The following ZFPM2 variants were observed in gnomAD, a reference collection of about 807,000 sequenced individuals.
ZFPM2 encodes zinc finger protein, FOG family member 2.
In ZFPM2, 20 loss-of-function variants were observed where a neutral mutation model predicts 98.6. That is an observed-to-expected ratio of 0.20 (90% confidence interval 0.14 to 0.29). The LOEUF is 0.29. ZFPM2 is among the 10% of genes least tolerant of loss of function. ZFPM2 has a pLI of 1.00. For missense variants in ZFPM2, 1,310 were observed against 1,388.6 expected (o/e 0.94, Z 0.90); for synonymous variants, 518 against 502.7 (o/e 1.03, Z -0.41).
chr8:105,576,345 A>T (rs1815468356), intron 4 of ZFPM2, among the ~76,000 whole-genome samples: 1 of 152,172 alleles, frequency 6.6e-6, no homozygotes. Flanking sequence ...ACAAAAAATT[A>T]AAAACAGTGG....
chr8:105,488,001 G>A (rs1186301546), intron 3 of ZFPM2, among the ~76,000 whole-genome samples: 3 of 151,274 alleles, frequency 2.0e-5, no homozygotes, highest in African/African-American at 7.3e-5. Context: ...GCAAAATTGA[G>A]AGCGAAGGTG....
intron 6 of ZFPM2, among the ~76,000 whole-genome samples, chr8:105,789,365 G>A (rs1447524522): frequency 2.0e-5 from 3 of 152,098 alleles, no homozygotes; most frequent in Non-Finnish European, 4.4e-5. Flanking sequence ...ATAGTTTACT[G>A]AGAATGATGA....
chr8:105,609,650 G>C (rs896507948), intron 4 of ZFPM2, among the ~76,000 whole-genome samples: 3 of 152,154 alleles, frequency 2.0e-5, no homozygotes, highest in Admixed American at 6.5e-5. Flanking sequence ...TAAAAAGAGA[G>C]TAGACAGTGC....
In ZFPM2 at chr8:105,802,896, C is replaced by A. The variant is rs982465677; in HGVS notation, c.2814C>A (p.Thr938=). 5 of 1,613,758 alleles carry A rather than the reference C, an allele frequency of 3.1e-6. No homozygotes were observed. The highest frequency in any genetic ancestry group is 4.2e-6 in the Non-Finnish European group (5 of 1,179,812). ...NGNLFSSHLA[T]LQGLKVFSEA... Reference sequence around the variant, plus strand: ...ACTTATTTTCATCCCACCTAGCAACCCTGCAAGGCTTGAAGGTCTTTAGTG... The same window carrying A: ...ACTTATTTTCATCCCACCTAGCAACACTGCAAGGCTTGAAGGTCTTTAGTG... Residue 938 remains threonine (T), a synonymous_variant, in exon 8 of 8, where the codon ACC becomes ACA. Coordinates refer to ENST00000407775, the MANE Select transcript of ZFPM2 (RefSeq NM_012082.4).
intron 5 of ZFPM2, among the ~76,000 whole-genome samples, chr8:105,663,851 A>G (rs954983180): frequency 6.6e-6 from 1 of 152,224 alleles, no homozygotes; most frequent in African/African-American, 2.4e-5. Flanking sequence ...TTTGTTTTTC[A>G]GTAGTCTGGA....
At chr8:105,349,007 ATCT>A (rs1812590362) in intron 1 of ZFPM2, among the ~76,000 whole-genome samples, 1 of 152,180 alleles carries the variant, frequency 6.6e-6, no homozygotes, top group Admixed American at 6.5e-5. Flanking sequence ...GGATCCATTT[ATCT>A]TCTTCAGTTC....
At chr8:105,331,024 TCA>T (rs896637316) in intron 1 of ZFPM2, among the ~76,000 whole-genome samples, 13 of 150,810 alleles carry the variant, frequency 8.6e-5, no homozygotes, top group Non-Finnish European at 1.5e-4. Context: ...TTTTTGGTGT[TCA>T]CACACACACA....
At chr8:105,362,642 T>C (rs1810426951) in intron 1 of ZFPM2, among the ~76,000 whole-genome samples, 1 of 152,210 alleles carries the variant, frequency 6.6e-6, no homozygotes, top group Admixed American at 6.5e-5. Flanking sequence ...ATACTTATGT[T>C]AATAAAACAC....
chr8:105,795,620 AAAG>A, intron 6 of ZFPM2: 1 of 194,342 alleles, frequency 5.1e-6, no homozygotes, highest in Non-Finnish European at 1.1e-5. Context: ...AAAAAAAAAA[AAAG>A]AAAGAAATGC....
chr8:105,355,036 T>C (rs888249266), intron 1 of ZFPM2, among the ~76,000 whole-genome samples: 1 of 152,202 alleles, frequency 6.6e-6, no homozygotes, highest in Non-Finnish European at 1.5e-5. Flanking sequence ...AGATGTAACA[T>C]GCTATTTTAT....
At chr8:105,580,906 G>A (rs1468126088) in intron 4 of ZFPM2, among the ~76,000 whole-genome samples, 1 of 148,810 alleles carries the variant, frequency 6.7e-6, no homozygotes, top group East Asian at 2.0e-4. Flanking sequence ...TATATTGTTT[G>A]CTTAACTTTA....
At chr8:105,668,340 C>A (rs1817526227) in intron 5 of ZFPM2, among the ~76,000 whole-genome samples, 1 of 152,136 alleles carries the variant, frequency 6.6e-6, no homozygotes, top group South Asian at 2.1e-4. Flanking sequence ...TCTAATTTAG[C>A]TCTAGCTACT....
chr8:105,443,427 A>G (rs1210464033), intron 2 of ZFPM2, among the ~76,000 whole-genome samples: 1 of 147,072 alleles, frequency 6.8e-6, no homozygotes, highest in Non-Finnish European at 1.5e-5. Flanking sequence ...TTTTGTTTCT[A>G]TTTTATTACC....
chr8:105,770,680 C>G (rs1210620024), intron 5 of ZFPM2, among the ~76,000 whole-genome samples: 1 of 152,016 alleles, frequency 6.6e-6, no homozygotes, highest in African/African-American at 2.4e-5. Context: ...TGAATAATAC[C>G]TTGGCTACTC....
intron 3 of ZFPM2, among the ~76,000 whole-genome samples, chr8:105,447,398 G>A (rs1274239953): frequency 6.6e-6 from 1 of 151,646 alleles, no homozygotes; most frequent in Non-Finnish European, 1.5e-5. Context: ...ACAACTCTTA[G>A]AGAATTAAAT....
At chr8:105,708,489 G>T (rs1373028940) in intron 5 of ZFPM2, among the ~76,000 whole-genome samples, 5 of 152,086 alleles carry the variant, frequency 3.3e-5, no homozygotes, top group Non-Finnish European at 5.9e-5. Flanking sequence ...GAGTGCAGTG[G>T]TGTGATCACG....
intron 5 of ZFPM2, among the ~76,000 whole-genome samples, chr8:105,757,352 CTCAT>C (rs1812627182): frequency 3.3e-5 from 5 of 152,096 alleles, no homozygotes; most frequent in Admixed American, 2.6e-4. Context: ...TTTTTAAAGA[CTCAT>C]TCAGTCTGTG....
intron 5 of ZFPM2, among the ~76,000 whole-genome samples, chr8:105,731,660 C>CA: frequency 6.6e-6 from 1 of 151,482 alleles, no homozygotes; most frequent in Non-Finnish European, 1.5e-5. Flanking sequence ...CTTCAACCTC[C>CA]AAAAAATGAT....
chr8:105,360,084 C>G (rs139845789), intron 1 of ZFPM2, among the ~76,000 whole-genome samples: 72 of 152,274 alleles, frequency 4.7e-4, no homozygotes, highest in African/African-American at 1.7e-3. Context: ...TGGCTCTGTT[C>G]TTTCATCATA....
Sources: allele counts gnomAD v4.1 joint callset (sites outside exome capture counted in the v4.1 genomes callset), GRCh38; gene constraint gnomAD v4.1.1; transcripts MANE v1.5; gene names NCBI Gene and HGNC (gene_info 2026-07-23, HGNC 2026-07-21).